Variants in MSI2 observed in about 807,000 individuals in gnomAD.
MSI2 encodes musashi RNA binding protein 2.
A neutral mutation model predicts 45.6 loss-of-function variants in MSI2; 17 were observed. That is an observed-to-expected ratio of 0.37 (90% CI 0.26 to 0.56). The LOEUF (loss-of-function observed/expected upper bound fraction) is 0.56. Ranked by LOEUF, MSI2 falls within the 20% of genes least tolerant of loss-of-function variation. MSI2 has a pLI of 0.77. For synonymous variants in MSI2, 156 were observed against 158.2 expected (o/e 0.99, Z 0.11); for missense variants, 293 against 444.2 (o/e 0.66, Z 3.06).
chr17:57,471,688 C>T (rs937148022), intron 6 of MSI2, among the ~76,000 whole-genome samples: 9 of 152,140 alleles, frequency 5.9e-5, no homozygotes, highest in African/African-American at 1.9e-4. Context: ...CTGCAGGAGA[C>T]CATGCAGCTG....
At chr17:57,651,345 C>G (rs1567960141) in intron 10 of MSI2, among the ~76,000 whole-genome samples, 1 of 152,056 alleles carries the variant, frequency 6.6e-6, no homozygotes, top group Non-Finnish European at 1.5e-5. Context: ...GGGCTCAGAC[C>G]GAAGAGCCAC....
At chr17:57,517,588 T>G (rs1314202830) in intron 6 of MSI2, among the ~76,000 whole-genome samples, 1 of 152,116 alleles carries the variant, frequency 6.6e-6, no homozygotes, top group East Asian at 1.9e-4. Flanking sequence ...AAAGGTGACC[T>G]TTGGGTCACT....
intron 7 of MSI2, among the ~76,000 whole-genome samples, chr17:57,586,910 T>C (rs2088363285): frequency 1.3e-5 from 2 of 152,110 alleles, no homozygotes; most frequent in Non-Finnish European, 2.9e-5. Flanking sequence ...TTCTCTTTCC[T>C]GTGGAGAGTT....
rs1428931150 is a variant in MSI2, at chr17:57,681,357, G to A, written c.*1840G>A. 5.6e-6 allele frequency: 1 copy of A among 180,070 alleles called. No individual in the cohort carries two copies. The highest frequency in any genetic ancestry group is 1.2e-5 in the Non-Finnish European group (1 of 84,276). The allele number at this position is 180,070 out of a possible 1,614,324, so 11.2% of individuals were successfully genotyped here. A position where few individuals can be genotyped will look rare whatever the true frequency, so the allele number is the denominator to read the frequency against. On this transcript the variant is annotated 3_prime_UTR_variant, in exon 14 of 14. Transcript: ENST00000284073. ...ATATATATTTTTTCTTTTTTAAAATGTGATATTGACGTTTTATTAATATTT... is the reference window on the plus strand; with the variant it reads ...ATATATATTTTTTCTTTTTTAAAATATGATATTGACGTTTTATTAATATTT...
chr17:57,539,311 C>T (rs927582488), intron 7 of MSI2, among the ~76,000 whole-genome samples: 2 of 151,640 alleles, frequency 1.3e-5, no homozygotes, highest in East Asian at 1.9e-4. Flanking sequence ...TATTCATTTA[C>T]TTCTTTAGTG....
chr17:57,480,013 T>C (rs935195615), intron 6 of MSI2, among the ~76,000 whole-genome samples: 6 of 152,320 alleles, frequency 3.9e-5, no homozygotes, highest in East Asian at 1.9e-4. Context: ...AGTCTTGCTC[T>C]GTCACCCAAG....
intron 10 of MSI2, chr17:57,630,634 A>C (rs1168255911): frequency 6.6e-6 from 1 of 152,286 alleles, no homozygotes; most frequent in African/African-American, 2.4e-5. Flanking sequence ...CCCAAAGGAT[A>C]TGCTCCTTGT....
chr17:57,438,251 C>T (rs145452178), intron 6 of MSI2, among the ~76,000 whole-genome samples: 79 of 152,274 alleles, frequency 5.2e-4, no homozygotes, highest in African/African-American at 1.8e-3. Context: ...TTTCCTCTCC[C>T]TGACTGGGCC....
intron 10 of MSI2, chr17:57,629,434 TAAG>T (rs935411036): frequency 3.9e-5 from 6 of 152,224 alleles, no homozygotes; most frequent in Admixed American, 3.9e-4. Context: ...GTCTCAAAAA[TAAG>T]AAGAAGAATA....
In MSI2 at chr17:57,652,718, A is replaced by C. The variant is rs1598494432; in HGVS notation, c.790+557A>C. On this transcript the variant is annotated intron_variant, in intron 11 of 13. Coordinates refer to ENST00000284073, the MANE Select transcript of MSI2 (RefSeq NM_138962.4). This position sits in a 1 kb window ranked among gnomAD's most constrained non-coding sequence, Gnocchi z 4.1. ...TGCCTCCCAGACTCTTCTTAGCCAG[A>C]CTCCTCAGCTCCAGCTGCCAAGGGA... 1.3e-5 allele frequency among the ~76,000 whole-genome samples: 2 copies of C among 151,448 alleles called. No homozygotes were observed. The highest frequency in any genetic ancestry group is 1.3e-4 in the Admixed American group (2 of 15,214).
intron 6 of MSI2, among the ~76,000 whole-genome samples, chr17:57,466,832 A>G (rs2085339657): frequency 6.6e-6 from 1 of 152,122 alleles, no homozygotes; most frequent in Admixed American, 6.5e-5. Flanking sequence ...TCCAACTTTC[A>G]AATGAAAATC....
In MSI2 at chr17:57,682,396, T is replaced by A. The variant is rs191300368; in HGVS notation, c.*2879T>A. On this transcript the variant is annotated 3_prime_UTR_variant, in exon 14 of 14. Coordinates refer to ENST00000284073, the MANE Select transcript of MSI2 (RefSeq NM_138962.4). ...CTAGATATGCAAAACTGGATTTTTTTAATTTATTTTTTAAAAGAGGGAGGC... is the reference window on the plus strand; with the variant it reads ...CTAGATATGCAAAACTGGATTTTTTAAATTTATTTTTTAAAAGAGGGAGGC... 14 of 184,824 alleles carry A rather than the reference T, an allele frequency of 7.6e-5. No individual in the cohort carries two copies. The highest frequency in any genetic ancestry group is 3.9e-4 in the South Asian group (2 of 5,076). 11.4% of individuals were successfully genotyped at this position (184,824 alleles called of 1,614,324 possible).
rs1376484571 is a variant in MSI2 at position 57,679,735 on chromosome 17, T to C, written c.*218T>C. The C allele has an allele frequency of 2.3e-6, 1 of 444,274 alleles. No homozygotes were observed. The highest frequency in any genetic ancestry group is 3.2e-6 in the Non-Finnish European group (1 of 310,966). 27.5% of individuals were successfully genotyped at this position (444,274 alleles called of 1,614,324 possible). On this transcript the variant is annotated 3_prime_UTR_variant, in exon 14 of 14. Transcript: ENST00000284073. ...CTGCTGTAATATAAGACAACAGCTT[T>C]TAAATGTGTATATAACCCATGATTT...
At chr17:57,626,385 CTGAA>C (rs1908809863) in intron 9 of MSI2, 2 of 152,162 alleles carry the variant, frequency 1.3e-5, no homozygotes, top group Admixed American at 1.3e-4. Flanking sequence ...TCCCTGAGAG[CTGAA>C]TGACACCTCA....
At chr17:57,516,263 G>C (rs1025590380) in intron 6 of MSI2, among the ~76,000 whole-genome samples, 1 of 152,098 alleles carries the variant, frequency 6.6e-6, no homozygotes, top group Non-Finnish European at 1.5e-5. Context: ...TAATGTTGTC[G>C]TTTTGAGAAT....
chr17:57,326,690 C>T lies in MSI2; in HGVS notation c.312+64498C>T, dbSNP rs1913822767. Among the ~76,000 whole-genome samples, 5 of 152,308 alleles carry T rather than the reference C, an allele frequency of 3.3e-5. No individual in the cohort carries two copies. The South Asian group carries it at 6.2e-4, about 19-fold the overall frequency. On this transcript the variant is annotated intron_variant, in intron 5 of 13. Coordinates refer to ENST00000284073, the MANE Select transcript of MSI2 (RefSeq NM_138962.4). ...TCTAAATGCTTTACTTATTTCCGCT[C>T]ATTTGATCTTAACACTAGCCCTATG...
chr17:57,701,329 G>T, the MSI2 span, among the ~76,000 whole-genome samples: 1 of 152,188 alleles, frequency 6.6e-6, no homozygotes, highest in African/African-American at 2.4e-5. Context: ...CAATTTGATG[G>T]TATACGAAGG....
chr17:57,361,380 G>C (rs925574877), intron 5 of MSI2, among the ~76,000 whole-genome samples: 26 of 151,902 alleles, frequency 1.7e-4, no homozygotes, highest in Admixed American at 1.6e-3. Flanking sequence ...GCGGGCAGAT[G>C]GACTGAGCTC....
chr17:57,663,186 G>T (rs1452459254), intron 11 of MSI2, among the ~76,000 whole-genome samples: 1 of 152,150 alleles, frequency 6.6e-6, no homozygotes, highest in East Asian at 1.9e-4. Flanking sequence ...GAGGGGCGGG[G>T]CCAAGGCGGG....
Sources: gnomAD v4.1 joint callset for allele counts (sites outside exome capture counted in the v4.1 genomes callset) on GRCh38, gnomAD v4.1.1 for gene constraint, Gnocchi (gnomAD v3.1) non-coding constraint, MANE v1.5 for transcripts, NCBI Gene and HGNC (gene_info 2026-07-23, HGNC 2026-07-21) for gene names.